SLC7A1: variants seen among roughly 807,000 people sequenced by gnomAD.
SLC7A1 encodes the protein solute carrier family 7 member 1.
SLC7A1 carries 10 observed loss-of-function variants against 53.9 expected under a neutral mutation model. That is an observed-to-expected ratio of 0.19 (90% CI 0.11 to 0.31). The LOEUF is 0.31. Among genes scored for constraint, SLC7A1 ranks in the 10% least tolerant of loss-of-function variants. The pLI is 1.00. For missense variants in SLC7A1, 525 were observed against 827.2 expected, an observed-to-expected ratio of 0.63 and a Z score of 4.48; for synonymous variants, 342 against 338.7, an observed-to-expected ratio of 1.01 and a Z score of -0.11.
At chr13:29,542,368 T>C (rs1042037300) in intron 2 of SLC7A1, among the ~76,000 whole-genome samples, 10 of 151,902 alleles carry the variant, frequency 6.6e-5, no homozygotes, top group East Asian at 1.9e-4. Flanking sequence ...GGCAGGAGAA[T>C]TGCTTGAACC....
At chr13:29,560,290 G>A (rs374758005) in intron 1 of SLC7A1, among the ~76,000 whole-genome samples, 2 of 151,934 alleles carry the variant, frequency 1.3e-5, no homozygotes, top group Non-Finnish European at 2.9e-5. Flanking sequence ...GAACACACAA[G>A]GAGCTGTGAT....
intron 2 of SLC7A1, among the ~76,000 whole-genome samples, chr13:29,544,793 TA>T (rs11305795): frequency 0.6 from 87,033 of 145,808 alleles, 28,820 homozygotes; most frequent in Non-Finnish European, 0.76. Flanking sequence ...GGAGAGGGTG[TA>T]AAATACAGAA....
intron 2 of SLC7A1, among the ~76,000 whole-genome samples, chr13:29,551,458 T>C (rs1040050059): frequency 1.3e-5 from 2 of 152,078 alleles, no homozygotes; most frequent in African/African-American, 4.8e-5. Context: ...CAGTAAGCCA[T>C]AAATTCCCCC....
intron 1 of SLC7A1, among the ~76,000 whole-genome samples, chr13:29,566,639 C>T (rs942216222): frequency 2.0e-5 from 3 of 152,074 alleles, no homozygotes; most frequent in African/African-American, 2.4e-5. Flanking sequence ...TTAATGGGTA[C>T]GAGTTTCCTT....
At chr13:29,539,175 C>T (rs956587636) in intron 2 of SLC7A1, among the ~76,000 whole-genome samples, 12 of 138,176 alleles carry the variant, frequency 8.7e-5, no homozygotes, top group African/African-American at 2.9e-4. Flanking sequence ...TTCCTTTTTG[C>T]ACTCCTTTCT....
intron 1 of SLC7A1, among the ~76,000 whole-genome samples, chr13:29,592,195 G>C (rs1566280787): frequency 6.6e-6 from 1 of 152,060 alleles, no homozygotes; most frequent in South Asian, 2.1e-4. Flanking sequence ...TCTTCCCTCA[G>C]TCACACGGCT....
intron 2 of SLC7A1, among the ~76,000 whole-genome samples, chr13:29,538,100 AT>A (rs2139109003): frequency 6.6e-6 from 1 of 152,298 alleles, no homozygotes; most frequent in South Asian, 2.1e-4. Flanking sequence ...GACTCATAAA[AT>A]TTTGAGCTAG....
At chr13:29,553,049 C>A (rs927200151) in intron 2 of SLC7A1, among the ~76,000 whole-genome samples, 1 of 152,190 alleles carries the variant, frequency 6.6e-6, no homozygotes, top group Non-Finnish European at 1.5e-5. Context: ...GGCTCTTATG[C>A]CCACTTGGAA....
At position 29,513,085 on chromosome 13, in the gene SLC7A1, G is replaced by C. The variant is rs1033504048; in HGVS notation, c.*1395C>G. ...CAGTGGAACGCTCCACCCACGTTCAGGTTTCCTCTGGCTCCCATCTACAAG... is the reference window on the plus strand; with the variant it reads ...CAGTGGAACGCTCCACCCACGTTCACGTTTCCTCTGGCTCCCATCTACAAG... On this transcript the variant is annotated 3_prime_UTR_variant, in exon 13 of 13. Coordinates refer to ENST00000380752, the MANE Select transcript of SLC7A1 (RefSeq NM_003045.5). 26 of 152,328 alleles carry C rather than the reference G, an allele frequency of 1.7e-4. No homozygotes were observed. The highest frequency in any genetic ancestry group is 6.3e-4 in the African/African-American group (26 of 41,472). The allele number at this position is 152,328 out of a possible 1,614,324, so 9.4% of individuals were successfully genotyped here. A position where few individuals can be genotyped will look rare whatever the true frequency, so the allele number is the denominator to read the frequency against.
chr13:29,565,148 G>A (rs756267532), intron 1 of SLC7A1, among the ~76,000 whole-genome samples: 1 of 152,204 alleles, frequency 6.6e-6, no homozygotes, highest in Non-Finnish European at 1.5e-5. Context: ...GGCAGACTGT[G>A]GCATCCATCC....
rs142329366 is a variant in SLC7A1, at chr13:29,565,733, G to T, written c.-114-11873C>A. On this transcript the variant is annotated intron_variant, in intron 1 of 12. Coordinates refer to ENST00000380752, the MANE Select transcript of SLC7A1 (RefSeq NM_003045.5). ...ATGCCCTGGAGAAAAGCCCGGGAAAGACAGTGTCCCTCAAACATGCCCGGT... is the reference window on the plus strand; with the variant it reads ...ATGCCCTGGAGAAAAGCCCGGGAAATACAGTGTCCCTCAAACATGCCCGGT... Among the ~76,000 whole-genome samples the T allele has an allele frequency of 1.1e-4, 16 of 152,346 alleles. No homozygotes were observed. The East Asian group carries it at 3.1e-3, about 29-fold the overall frequency.
intron 5 of SLC7A1, among the ~76,000 whole-genome samples, chr13:29,526,930 A>G (rs1235169075): frequency 6.6e-6 from 1 of 152,068 alleles, no homozygotes; most frequent in African/African-American, 2.4e-5. Flanking sequence ...GCATCCGTAA[A>G]CCTCCCTGCT....
intron 2 of SLC7A1, among the ~76,000 whole-genome samples, chr13:29,541,123 C>T (rs1399934826): frequency 6.6e-6 from 1 of 152,122 alleles, no homozygotes; most frequent in Non-Finnish European, 1.5e-5. Context: ...AAGGGCAAAA[C>T]CTGTGTGGAA....
intron 1 of SLC7A1, among the ~76,000 whole-genome samples, chr13:29,574,776 C>T (rs1482726885): frequency 3.3e-5 from 5 of 151,658 alleles, no homozygotes; most frequent in African/African-American, 4.8e-5. Flanking sequence ...TCCCAAGTAG[C>T]TGGGACTACA....
intron 1 of SLC7A1, among the ~76,000 whole-genome samples, chr13:29,575,926 T>C (rs1359494036): frequency 2.0e-5 from 3 of 152,144 alleles, no homozygotes; most frequent in Admixed American, 6.5e-5. Context: ...ATATCATTAA[T>C]GTTTAATGTT....
rs151146878 is a variant in SLC7A1 at position 29,518,480 on chromosome 13, T to C, written c.1293-690A>G. On this transcript the variant is annotated intron_variant, in intron 9 of 12. Coordinates refer to ENST00000380752, the MANE Select transcript of SLC7A1 (RefSeq NM_003045.5). ...AGAGTTCTGTATGAATTATTTTGCA[T>C]ATGATCAATTCTAAGAGGGAGTATA... Among the ~76,000 whole-genome samples, 883 of 152,334 alleles carry C rather than the reference T, an allele frequency of 5.8e-3. 23 individuals are homozygous for C. The highest frequency in any genetic ancestry group is 0.039 in the Admixed American group (601 of 15,306).
rs145135775 is a variant in SLC7A1 at position 29,514,914 on chromosome 13, C to T, written c.1787-331G>A. The stretch of plus-strand genomic sequence containing the variant: ...AGCCCCCTGATGCCCCCGGAGGCCA[C>T]GAGAGTATCGAGAATGTGCACTATG... On this transcript the variant is annotated intron_variant, in intron 12 of 12. Transcript: ENST00000380752. Among the ~76,000 whole-genome samples the T allele has an allele frequency of 3.6e-3, 548 of 152,302 alleles. 4 individuals carry two copies. The highest frequency in any genetic ancestry group is 0.012 in the African/African-American group (514 of 41,570).
chr13:29,594,191 G>C (rs993677321), intron 1 of SLC7A1, among the ~76,000 whole-genome samples: 3 of 152,158 alleles, frequency 2.0e-5, no homozygotes, highest in African/African-American at 4.8e-5. Context: ...ATTATAATTC[G>C]AATTAAATAC....
At chr13:29,588,944 C>T (rs1313309370) in intron 1 of SLC7A1, among the ~76,000 whole-genome samples, 2 of 152,192 alleles carry the variant, frequency 1.3e-5, no homozygotes, top group Non-Finnish European at 2.9e-5. Context: ...TTCACTGGGT[C>T]CCAGAAACTG....
Sources: allele counts gnomAD v4.1 joint callset (sites outside exome capture counted in the v4.1 genomes callset), GRCh38; gene constraint gnomAD v4.1.1; transcripts MANE v1.5; gene names NCBI Gene and HGNC (gene_info 2026-07-23, HGNC 2026-07-21).